GALNT16: variants seen among roughly 807,000 people sequenced by gnomAD.
The protein encoded by GALNT16 is polypeptide N-acetylgalactosaminyltransferase 16.
In GALNT16, 40 loss-of-function variants were observed where a neutral mutation model predicts 76.1. The observed-to-expected ratio is 0.53, with a 90% CI of 0.41 to 0.68. The LOEUF is 0.68. GALNT16 is among the 30% of genes least tolerant of loss of function. GALNT16 has a pLI of 0.00. For missense variants in GALNT16, 621 were observed against 731.9 expected (o/e 0.85, Z 1.75); for synonymous variants, 276 against 285.2 (o/e 0.97, Z 0.32).
chr14:69,278,066 T>C (rs1047489634), intron 1 of GALNT16, among the ~76,000 whole-genome samples: 5 of 151,802 alleles, frequency 3.3e-5, no homozygotes, highest in Admixed American at 2.6e-4. Context: ...TGGAGTGCTG[T>C]GGTGCTATCA....
In GALNT16 at chr14:69,339,615, G is replaced by C; in HGVS notation, c.1183G>C (p.Gly395Arg). The C allele has an allele frequency of 1.3e-6, 2 of 1,587,998 alleles. No homozygotes were observed. Among genetic ancestry groups the C allele is most frequent in the Non-Finnish European group, 1.7e-6 (2 of 1,161,568 alleles). ...GCCCTCGGCCATCGGGAAGGCCTTC[G>C]GCAGGTGGGCCCCCCCAGCTCCACT... ...ARPSAIGKAFGSVATRIEQRK... is the reference protein window; with the variant it reads ...ARPSAIGKAFRSVATRIEQRK... Residue 395 changes from glycine to arginine, a missense_variant, in exon 11 of 15, where the codon GGC becomes CGC. By Grantham distance (125) the Gly-to-Arg change is moderately radical. Coordinates refer to ENST00000448469, the MANE Select transcript of GALNT16 (RefSeq NM_001168368.2).
chr14:69,305,209 C>T (rs2044915573), intron 1 of GALNT16, among the ~76,000 whole-genome samples: 1 of 149,008 alleles, frequency 6.7e-6, no homozygotes. Flanking sequence ...CACTCTATTG[C>T]CCAGGCTGGG....
At position 69,339,599 on chromosome 14, in the gene GALNT16, C is replaced by T; in HGVS notation, c.1167C>T (p.Ala389=). The T allele has an allele frequency of 6.2e-7, 1 of 1,606,786 alleles. No homozygotes were observed. Among genetic ancestry groups the T allele is most frequent in the Non-Finnish European group, 8.5e-7 (1 of 1,175,346 alleles). ...ACTACTATGAGGCCCGGCCCTCGGC[C>T]ATCGGGAAGGCCTTCGGCAGGTGGG... is the stretch of plus-strand genomic sequence containing the variant. ...KQYYYEARPS[A]IGKAFGSVAT... is the part of the protein sequence containing the mutation. Residue 389 remains alanine (A), a synonymous_variant, in exon 11 of 15, where the codon GCC becomes GCT. Transcript: ENST00000448469.
intron 1 of GALNT16, among the ~76,000 whole-genome samples, chr14:69,290,034 T>C (rs2044669769): frequency 6.6e-6 from 1 of 152,196 alleles, no homozygotes; most frequent in Non-Finnish European, 1.5e-5. Flanking sequence ...CCACCACGCC[T>C]GGCCTGTTCT....
the GALNT16 span, among the ~76,000 whole-genome samples, chr14:69,369,409 G>A: frequency 6.6e-6 from 1 of 152,224 alleles, no homozygotes; most frequent in Non-Finnish European, 1.5e-5. Context: ...GAGGAAGAAA[G>A]AAATGAAAGC....
intron 1 of GALNT16, among the ~76,000 whole-genome samples, chr14:69,298,057 A>T (rs1163681087): frequency 6.6e-6 from 1 of 152,230 alleles, no homozygotes; most frequent in Non-Finnish European, 1.5e-5. Context: ...AGGTTTGAAC[A>T]CTCATCTATG....
At chr14:69,351,844 C>T (rs550893895) in intron 14 of GALNT16, 187 bp from the exon 15 acceptor site, 6 of 542,814 alleles carry the variant, frequency 1.1e-5, no homozygotes, top group South Asian at 1.0e-4. Flanking sequence ...CTCAGGAGTT[C>T]GAGGCTGCAG....
rs2140174681 is a variant in GALNT16 at position 69,328,440 on chromosome 14, C to T, written c.569-10C>T. ...GTCCCAGCGCCAAGCCCTATCTACT[C>T]CTCTTGTAGGGCTGATCCGGTCCCG... is the stretch of plus-strand genomic sequence containing the variant. On this transcript the variant is annotated splice_polypyrimidine_tract_variant and intron_variant, in intron 5 of 14. Transcript: ENST00000448469. 1 of 1,613,144 alleles carries T rather than the reference C, an allele frequency of 6.2e-7. No homozygotes were observed. The highest frequency in any genetic ancestry group is 1.3e-5 in the African/African-American group (1 of 74,994).
chr14:69,340,042 G>A (rs1051252823), intron 11 of GALNT16, among the ~76,000 whole-genome samples: 10 of 152,220 alleles, frequency 6.6e-5, no homozygotes, highest in Non-Finnish European at 1.0e-4. Flanking sequence ...GATGGGTTGT[G>A]AAATCAATTT....
intron 1 of GALNT16, among the ~76,000 whole-genome samples, chr14:69,270,302 G>A (rs538878103): frequency 1.3e-5 from 2 of 152,270 alleles, no homozygotes; most frequent in African/African-American, 2.4e-5. Context: ...GGAGGCAGAC[G>A]GCTCTGCCCG....
chr14:69,318,479 A>ATGAATGCATGCATGAATGGATGAG lies in GALNT16; in HGVS notation c.178-2223_178-2200dup, dbSNP rs1289333345. On this transcript the variant is annotated intron_variant, in intron 1 of 14. Transcript: ENST00000448469. ...GAGGCGCTTGGTGGAGCTTTGTTGA[A>ATGAATGCATGCATGAATGGATGAG]TGAATGCATGCATGAATGGATGAGT... Among the ~76,000 whole-genome samples the ATGAATGCATGCATGAATGGATGAG allele has an allele frequency of 3.2e-4, 48 of 152,322 alleles. 1 individual carries two copies. The South Asian group carries it at 9.9e-3, about 32-fold the overall frequency.
At chr14:69,280,556 A>G (rs2044527510) in intron 1 of GALNT16, among the ~76,000 whole-genome samples, 1 of 152,202 alleles carries the variant, frequency 6.6e-6, no homozygotes, top group Non-Finnish European at 1.5e-5. Context: ...TGGGGTATAT[A>G]TGCAGAAGTG....
chr14:69,311,779 G>A (rs1027461767), intron 1 of GALNT16, among the ~76,000 whole-genome samples: 1 of 152,212 alleles, frequency 6.6e-6, no homozygotes, highest in African/African-American at 2.4e-5. Flanking sequence ...GAGTTCTAAT[G>A]TGTTGAATTG....
At chr14:69,382,569 C>G in the GALNT16 span, among the ~76,000 whole-genome samples, 1 of 152,110 alleles carries the variant, frequency 6.6e-6, no homozygotes, top group Admixed American at 6.5e-5. Context: ...GCCAGTGGCT[C>G]ATGCCTGTAA....
chr14:69,343,605 T>C (rs1464823090), intron 12 of GALNT16, among the ~76,000 whole-genome samples: 2 of 152,256 alleles, frequency 1.3e-5, no homozygotes, highest in Non-Finnish European at 2.9e-5. Flanking sequence ...TTCATTCAGA[T>C]GCATCATTTC....
chr14:69,353,626 G>A lies in GALNT16; in HGVS notation c.*1458G>A, dbSNP rs1303429347. On this transcript the variant is annotated 3_prime_UTR_variant, in exon 15 of 15. Transcript: ENST00000448469. ...AGCCCCCTGTCTTTCATAGGCCAAGGATCCACATACCCATAGAGTTCATGG... is the reference window on the plus strand; with the variant it reads ...AGCCCCCTGTCTTTCATAGGCCAAGAATCCACATACCCATAGAGTTCATGG... 1 of 152,244 alleles carries A rather than the reference G, an allele frequency of 6.6e-6. No homozygotes were observed. Among genetic ancestry groups the A allele is most frequent in the Non-Finnish European group, 1.5e-5 (1 of 68,102 alleles). The allele number at this position is 152,244 out of a possible 1,614,324, so 9.4% of individuals were successfully genotyped here. A position where few individuals can be genotyped will look rare whatever the true frequency, so the allele number is the denominator to read the frequency against.
intron 1 of GALNT16, among the ~76,000 whole-genome samples, chr14:69,290,152 T>C (rs190608270): frequency 1.0e-3 from 159 of 152,364 alleles, no homozygotes; most frequent in Non-Finnish European, 1.8e-3. Flanking sequence ...ACAGTGGTAG[T>C]TATTGTCACA....
chr14:69,371,123 C>T, the GALNT16 span, among the ~76,000 whole-genome samples: 1 of 152,186 alleles, frequency 6.6e-6, no homozygotes, highest in Non-Finnish European at 1.5e-5. Context: ...GGAAGTTGAA[C>T]AAGATTCCTT....
At chr14:69,345,012 G>A (rs11623483) in intron 12 of GALNT16, among the ~76,000 whole-genome samples, 17,595 of 152,142 alleles carry the variant, frequency 0.12, 1,193 homozygotes, top group East Asian at 0.28. Context: ...AGAGAGTTGT[G>A]GGGACTGGGG....
Sources: gnomAD v4.1 joint callset for allele counts (sites outside exome capture counted in the v4.1 genomes callset) on GRCh38, gnomAD v4.1.1 for gene constraint, MANE v1.5 for transcripts, NCBI Gene and HGNC (gene_info 2026-07-23, HGNC 2026-07-21) for gene names.